RBFOX1: variants seen among roughly 807,000 people sequenced by gnomAD.
RBFOX1 encodes the protein RNA binding fox-1 homolog 1.
RBFOX1 carries 8 observed loss-of-function variants against 57.7 expected under a neutral mutation model. The observed-to-expected ratio is 0.14, with a 90% CI of 0.08 to 0.25. RBFOX1 has a LOEUF of 0.25. RBFOX1 is among the 10% of genes least tolerant of loss of function. The probability of loss-of-function intolerance (pLI) is 1.00; values close to 1 mark genes in which losing one functional copy is unlikely to be tolerated. For missense variants in RBFOX1, 611 were observed against 548.5 expected (o/e 1.11, Z -1.14); for synonymous variants, 326 against 222.4 (o/e 1.47, Z -4.15).
intron 3 of RBFOX1, among the ~76,000 whole-genome samples, chr16:7,017,657 T>TA (rs777631374): frequency 2.6e-5 from 4 of 152,178 alleles, no homozygotes; most frequent in Non-Finnish European, 4.4e-5. Context: ...TCATGGCTGA[T>TA]ACATGCTTGA....
chr16:6,919,246 G>T (rs536481411), intron 3 of RBFOX1, among the ~76,000 whole-genome samples: 8 of 152,190 alleles, frequency 5.3e-5, no homozygotes, highest in African/African-American at 1.7e-4. Flanking sequence ...GCTTCCCAAA[G>T]TGCTGGGCTG....
chr16:6,239,194 A>C (rs914674040), intron 1 of RBFOX1, among the ~76,000 whole-genome samples: 1 of 152,134 alleles, frequency 6.6e-6, no homozygotes, highest in African/African-American at 2.4e-5. Flanking sequence ...TGAATGAATG[A>C]ATAGCCCTCT....
At chr16:7,685,966 C>A (rs911820635) in intron 14 of RBFOX1, among the ~76,000 whole-genome samples, 1 of 152,030 alleles carries the variant, frequency 6.6e-6, no homozygotes, top group African/African-American at 2.4e-5. Flanking sequence ...TTACTTACTA[C>A]ACGAGATAAT....
intron 1 of RBFOX1, among the ~76,000 whole-genome samples, chr16:5,443,420 C>T (rs1018491192): frequency 6.6e-6 from 1 of 152,224 alleles, no homozygotes; most frequent in Non-Finnish European, 1.5e-5. Context: ...TCACTGCAAC[C>T]TCCACCTCCT....
chr16:6,683,566 T>C (rs958171020), intron 3 of RBFOX1, among the ~76,000 whole-genome samples: 4 of 152,216 alleles, frequency 2.6e-5, no homozygotes, highest in Admixed American at 6.5e-5. Flanking sequence ...AATATATACG[T>C]TTGCATACAC....
intron 3 of RBFOX1, among the ~76,000 whole-genome samples, chr16:5,694,568 C>G (rs949138404): frequency 2.6e-5 from 4 of 152,098 alleles, no homozygotes; most frequent in African/African-American, 9.7e-5. Flanking sequence ...TGTACTCTAG[C>G]TTTTCCTGTT....
At chr16:6,140,862 C>A (rs1475465852) in intron 1 of RBFOX1, among the ~76,000 whole-genome samples, 1 of 152,192 alleles carries the variant, frequency 6.6e-6, no homozygotes, top group Non-Finnish European at 1.5e-5. Context: ...TCTGGTCACC[C>A]ATTTACTACC....
intron 1 of RBFOX1, chr16:5,240,220 A>G: frequency 1.6e-6 from 1 of 634,550 alleles, no homozygotes; most frequent in South Asian, 1.6e-5. Flanking sequence ...TTGGTAACTG[A>G]GTGGCAACTC....
At chr16:7,027,109 C>T (rs994076112) in intron 3 of RBFOX1, among the ~76,000 whole-genome samples, 1 of 152,148 alleles carries the variant, frequency 6.6e-6, no homozygotes, top group Admixed American at 6.5e-5. Flanking sequence ...ACCCGTCTCT[C>T]CTAAACGCTT....
chr16:7,169,868 C>G (rs374043727), intron 4 of RBFOX1, among the ~76,000 whole-genome samples: 14 of 151,942 alleles, frequency 9.2e-5, no homozygotes, highest in African/African-American at 3.4e-4. Context: ...TCCAGGAGTT[C>G]AAGACCTGCC....
chr16:7,390,612 T>C (rs771236722), intron 4 of RBFOX1, among the ~76,000 whole-genome samples: 1 of 152,360 alleles, frequency 6.6e-6, no homozygotes, highest in East Asian at 1.9e-4. Flanking sequence ...CATTAACACC[T>C]GAGCATAGAT....
intron 2 of RBFOX1, among the ~76,000 whole-genome samples, chr16:6,338,240 C>G (rs1347186961): frequency 6.6e-6 from 1 of 152,164 alleles, no homozygotes; most frequent in East Asian, 1.9e-4. Flanking sequence ...ACACACACAC[C>G]TACACCTGTA....
At chr16:6,103,940 C>G (rs766346917) in intron 1 of RBFOX1, among the ~76,000 whole-genome samples, 1 of 152,176 alleles carries the variant, frequency 6.6e-6, no homozygotes, top group Non-Finnish European at 1.5e-5. Context: ...TGGGCTATTA[C>G]TTCGCCCTAG....
At chr16:7,664,778 C>G (rs1195220207) in intron 12 of RBFOX1, 151 bp from the exon 13 acceptor site, 4 of 1,429,384 alleles carry the variant, frequency 2.8e-6, no homozygotes, top group African/African-American at 2.8e-5. Flanking sequence ...CTGCCGTTGT[C>G]TCCAACCTCC....
intron 4 of RBFOX1, among the ~76,000 whole-genome samples, chr16:5,869,003 G>C (rs2057404992): frequency 6.6e-6 from 1 of 152,150 alleles, no homozygotes; most frequent in African/African-American, 2.4e-5. Context: ...AGGCTATGAT[G>C]ATCCCTATTT....
At chr16:6,693,781 C>A (rs772231583) in intron 3 of RBFOX1, among the ~76,000 whole-genome samples, 10 of 151,812 alleles carry the variant, frequency 6.6e-5, no homozygotes, top group South Asian at 2.1e-4. Flanking sequence ...ACATCATCTT[C>A]CTCCGCTGCC....
At chr16:6,487,127 A>C (rs2095500686) in intron 2 of RBFOX1, among the ~76,000 whole-genome samples, 1 of 146,442 alleles carries the variant, frequency 6.8e-6, no homozygotes. Flanking sequence ...GTGGGGTTTC[A>C]GTAAGTTGTG....
chr16:7,231,122 G>T (rs1048348569), intron 4 of RBFOX1, among the ~76,000 whole-genome samples: 6 of 152,090 alleles, frequency 3.9e-5, no homozygotes, highest in African/African-American at 1.2e-4. Context: ...TGGTTGTTTG[G>T]ATCAGATAGG....
intron 4 of RBFOX1, among the ~76,000 whole-genome samples, chr16:7,339,978 A>G (rs570365152): frequency 6.6e-6 from 1 of 152,262 alleles, no homozygotes; most frequent in South Asian, 2.1e-4. Flanking sequence ...CTCCAAGCTT[A>G]CATCTCATCT....
Sources: allele counts gnomAD v4.1 joint callset (sites outside exome capture counted in the v4.1 genomes callset), GRCh38; gene constraint gnomAD v4.1.1; transcripts MANE v1.5; gene names NCBI Gene and HGNC (gene_info 2026-07-23, HGNC 2026-07-21).